The following IGF1R variants were observed in gnomAD, a reference collection of about 807,000 sequenced individuals.
IGF1R encodes insulin like growth factor 1 receptor.
IGF1R carries 44 observed loss-of-function variants against 144.6 expected under a neutral mutation model. That is an observed-to-expected ratio of 0.30 (90% CI 0.24 to 0.39). IGF1R has a LOEUF of 0.39. Among genes scored for constraint, IGF1R ranks in the 10% least tolerant of loss-of-function variants. The probability of loss-of-function intolerance (pLI) is 1.00; values close to 1 mark genes in which losing one functional copy is unlikely to be tolerated. For synonymous variants in IGF1R, 795 were observed against 722.8 expected, an observed-to-expected ratio of 1.10 and a Z score of -1.60; for missense variants, 1,355 against 1,833.7, an observed-to-expected ratio of 0.74 and a Z score of 4.77.
At chr15:98,841,758 C>T (rs1489332630) in intron 2 of IGF1R, among the ~76,000 whole-genome samples, 1 of 152,200 alleles carries the variant, frequency 6.6e-6, no homozygotes, top group Non-Finnish European at 1.5e-5. Flanking sequence ...TTCCCTTTCT[C>T]GTCTTTCTGG....
rs1349312451 is a variant in IGF1R at position 98,707,317 on chromosome 15, C to T, written c.95-245C>T. ...TTTGCACGGTTAACGGGGATGGCCT[C>T]TCCCATGGTCGGTTGGAGTGTGTTG... On this transcript the variant is annotated intron_variant, in intron 1 of 20. Coordinates refer to ENST00000650285, the MANE Select transcript of IGF1R (RefSeq NM_000875.5). This position sits in a 1 kb window ranked among gnomAD's most constrained non-coding sequence, Gnocchi z 6.7. Among the ~76,000 whole-genome samples the T allele has an allele frequency of 6.6e-6, 1 of 152,138 alleles. No homozygotes were observed. The highest frequency in any genetic ancestry group is 1.5e-5 in the Non-Finnish European group (1 of 68,038).
intron 2 of IGF1R, among the ~76,000 whole-genome samples, chr15:98,854,941 GC>G (rs370531431): frequency 0.038 from 5,767 of 150,288 alleles, 363 homozygotes; most frequent in African/African-American, 0.13. Context: ...CTCCACCCCT[GC>G]CCCCCCCAAC....
chr15:98,871,016 C>T (rs2012754930), intron 2 of IGF1R, among the ~76,000 whole-genome samples: 1 of 152,250 alleles, frequency 6.6e-6, no homozygotes, highest in Non-Finnish European at 1.5e-5. Flanking sequence ...TTTCCACCTC[C>T]ATGCCCAGGA....
intron 2 of IGF1R, among the ~76,000 whole-genome samples, chr15:98,716,297 C>T (rs1051012235): frequency 1.3e-5 from 2 of 152,088 alleles, no homozygotes; most frequent in Admixed American, 6.5e-5. Context: ...CCTGTGTGTT[C>T]GTGTTGCTTG....
At chr15:98,868,787 G>A (rs900164098) in intron 2 of IGF1R, among the ~76,000 whole-genome samples, 4 of 152,154 alleles carry the variant, frequency 2.6e-5, no homozygotes, top group Admixed American at 6.5e-5. Context: ...CGCTTAGCAC[G>A]GGTAGCAGTG....
At chr15:98,924,090 C>T (rs1311452756) in intron 12 of IGF1R, 78 bp downstream of exon 12, 2 of 1,378,172 alleles carry the variant, frequency 1.5e-6, no homozygotes, top group East Asian at 2.3e-5. Context: ...GCACAGGTTA[C>T]CTCCTGGTTA....
At chr15:98,782,089 T>G (rs2055873948) in intron 2 of IGF1R, among the ~76,000 whole-genome samples, 1 of 152,174 alleles carries the variant, frequency 6.6e-6, no homozygotes, top group Admixed American at 6.5e-5. Flanking sequence ...GGTCTCCTGT[T>G]TATGTTTTAA....
At chr15:98,827,146 G>A (rs537578145) in intron 2 of IGF1R, among the ~76,000 whole-genome samples, 1 of 152,088 alleles carries the variant, frequency 6.6e-6, no homozygotes, top group Admixed American at 6.5e-5. Context: ...CCCCAACTCC[G>A]AATCAGAGAA....
intron 5 of IGF1R, among the ~76,000 whole-genome samples, chr15:98,902,885 C>T (rs987934327): frequency 6.6e-6 from 1 of 152,108 alleles, no homozygotes; most frequent in Admixed American, 6.5e-5. Context: ...TGAGATCCCC[C>T]TCAAAAAGTC....
Position 98,762,345 on chromosome 15 carries a change from G to A in IGF1R, c.640+54238G>A, listed in dbSNP as rs188746298. 2.5e-4 allele frequency among the ~76,000 whole-genome samples: 37 copies of A among 150,826 alleles called. No individual in the cohort carries two copies. The East Asian group carries it at 7.1e-3, about 29-fold the overall frequency. On this transcript the variant is annotated intron_variant, in intron 2 of 20. Transcript: ENST00000650285. ...CTCAAACTCCTGGGCTCAAGTGATC[G>A]CCTGCCTCAGACTTCATTTTGATTT...
Position 98,931,230 on chromosome 15 carries a change from C to T in IGF1R, c.2956+925C>T, listed in dbSNP as rs568810774. ...AAACAGCCCTCAGGAGGGGCTGGACCGGATTCATCAAATGAATAATAAATA... is the reference window on the plus strand; with the variant it reads ...AAACAGCCCTCAGGAGGGGCTGGACTGGATTCATCAAATGAATAATAAATA... On this transcript the variant is annotated intron_variant, in intron 15 of 20. Transcript: ENST00000650285. Among the ~76,000 whole-genome samples, 6 of 152,114 alleles carry T rather than the reference C, an allele frequency of 3.9e-5. No individual in the cohort carries two copies. The East Asian group carries it at 5.8e-4, about 15-fold the overall frequency.
At chr15:98,927,772 T>C (rs1482845763) in intron 13 of IGF1R, among the ~76,000 whole-genome samples, 1 of 152,224 alleles carries the variant, frequency 6.6e-6, no homozygotes, top group Non-Finnish European at 1.5e-5. Context: ...AAAATAGCTG[T>C]AGTAGTCTTT....
chr15:98,654,095 A>G (rs1252773122), intron 1 of IGF1R, among the ~76,000 whole-genome samples: 1 of 152,238 alleles, frequency 6.6e-6, no homozygotes, highest in Non-Finnish European at 1.5e-5. Context: ...GACAGTAGTT[A>G]GCATTTTAAA....
At chr15:98,904,142 T>C (rs541178331) in intron 5 of IGF1R, among the ~76,000 whole-genome samples, 2 of 147,822 alleles carry the variant, frequency 1.4e-5, no homozygotes, top group East Asian at 2.0e-4. Flanking sequence ...AAGCTCCGCC[T>C]CCGGGTTCAC....
chr15:98,703,342 G>T lies in IGF1R; in HGVS notation c.95-4220G>T, dbSNP rs546939729. Among the ~76,000 whole-genome samples, 184 of 152,258 alleles carry T rather than the reference G, an allele frequency of 1.2e-3. 6 individuals are homozygous for T. In the South Asian group the frequency reaches 0.037, roughly 31 times the overall value. Reference sequence around the variant, plus strand: ...GCTGTGTTTACTGTTTACTCCCTCGGTGCATGAATTATTTCATGGCACCAG... The same window carrying T: ...GCTGTGTTTACTGTTTACTCCCTCGTTGCATGAATTATTTCATGGCACCAG... On this transcript the variant is annotated intron_variant, in intron 1 of 20. Transcript: ENST00000650285.
At chr15:98,944,744 T>C (rs1356170764) in intron 19 of IGF1R, among the ~76,000 whole-genome samples, 1 of 152,254 alleles carries the variant, frequency 6.6e-6, no homozygotes, top group Non-Finnish European at 1.5e-5. Flanking sequence ...CTGCAGATCT[T>C]TGACAGCTGC....
chr15:98,674,650 T>C (rs2052985841), intron 1 of IGF1R, among the ~76,000 whole-genome samples: 2 of 152,206 alleles, frequency 1.3e-5, no homozygotes, highest in Admixed American at 6.5e-5. Context: ...TTATGTGTAT[T>C]GCTTTTTTCA....
chr15:98,675,826 C>CTTTCTT (rs1442608280), intron 1 of IGF1R, among the ~76,000 whole-genome samples: 12 of 46,162 alleles, frequency 2.6e-4, no homozygotes, highest in African/African-American at 5.8e-4. Context: ...TTCTTTCTTT[C>CTTTCTT]TTTTTTTTTT....
intron 1 of IGF1R, among the ~76,000 whole-genome samples, chr15:98,690,740 C>T (rs906309407): frequency 6.6e-5 from 10 of 152,198 alleles, no homozygotes; most frequent in Admixed American, 2.0e-4. Context: ...CTTCACTCCC[C>T]GGAAGGAACT....
Sources: gnomAD v4.1 joint callset for allele counts (sites outside exome capture counted in the v4.1 genomes callset) on GRCh38, gnomAD v4.1.1 for gene constraint, Gnocchi (gnomAD v3.1) non-coding constraint, MANE v1.5 for transcripts, NCBI Gene and HGNC (gene_info 2026-07-23, HGNC 2026-07-21) for gene names.